The following DST variants were observed in gnomAD, a reference collection of about 807,000 sequenced individuals.
The protein encoded by DST is dystonin.
In DST, 253 loss-of-function variants were observed where a neutral mutation model predicts 875.2. That is an observed-to-expected ratio of 0.29 (90% CI 0.26 to 0.32). The LOEUF (loss-of-function observed/expected upper bound fraction) is 0.32, where lower values mean the gene tolerates loss of function less well. Ranked by LOEUF, DST falls within the 10% of genes least tolerant of loss-of-function variation. The probability of loss-of-function intolerance (pLI) is 1.00; values close to 1 mark genes in which losing one functional copy is unlikely to be tolerated. For synonymous variants in DST, 3,124 were observed against 3,197.1 expected, an observed-to-expected ratio of 0.98 and a Z score of 0.77; for missense variants, 8,287 against 9,111.6, an observed-to-expected ratio of 0.91 and a Z score of 3.68.
intron 4 of DST, among the ~76,000 whole-genome samples, chr6:56,820,722 T>C (rs1385521683): frequency 1.3e-5 from 2 of 152,178 alleles, no homozygotes; most frequent in Non-Finnish European, 2.9e-5. Context: ...TGCCAAATAC[T>C]TACCAGTACA....
chr6:56,464,875 T>C, intron 99 of DST, 119 bp from the exon 100 acceptor site: 2 of 714,920 alleles, frequency 2.8e-6, no homozygotes, highest in South Asian at 3.7e-5. Context: ...GCACACATTT[T>C]AGAAGAAAAG....
chr6:56,465,231 G>T (rs1463338431), intron 99 of DST, among the ~76,000 whole-genome samples: 1 of 152,120 alleles, frequency 6.6e-6, no homozygotes, highest in Non-Finnish European at 1.5e-5. Context: ...CCAAAACCAA[G>T]AGGCCCTACA....
chr6:56,515,713 G>C, intron 71 of DST, 45 bp from the exon 72 acceptor site: 1 of 1,476,798 alleles, frequency 6.8e-7, no homozygotes, highest in Non-Finnish European at 9.2e-7. Flanking sequence ...AGGCCAACGA[G>C]CACACACACT....
At position 56,936,948 on chromosome 6, in the gene DST, C is replaced by G. The variant is rs373839530; in HGVS notation, c.216+16837G>C. Among the ~76,000 whole-genome samples the G allele has an allele frequency of 3.3e-4, 50 of 150,804 alleles. No homozygotes were observed. The East Asian group carries it at 9.1e-3, about 28-fold the overall frequency. On this transcript the variant is annotated intron_variant, in intron 2 of 103. Transcript: ENST00000680361. ...AATTATCTTCCCACAGAGAAAACAC[C>G]AGCTCCAAATGGGTTCACTGGTGAA...
intron 27 of DST, 45 bp downstream of exon 27, chr6:56,634,087 G>A: frequency 6.2e-7 from 1 of 1,608,896 alleles, no homozygotes; most frequent in Non-Finnish European, 8.5e-7. Context: ...GAAAAGGCAT[G>A]CACATTTTTG....
intron 4 of DST, among the ~76,000 whole-genome samples, chr6:56,812,109 A>AAAAAGAAAAG (rs745473203): frequency 0.2 from 21,959 of 111,306 alleles, 2,529 homozygotes; most frequent in East Asian, 0.31. Context: ...CTCAAAAAAA[A>AAAAAGAAAAG]AAAAGAAAAG....
intron 61 of DST, among the ~76,000 whole-genome samples, chr6:56,545,321 T>A (rs1318707369): frequency 1.3e-5 from 2 of 151,852 alleles, no homozygotes; most frequent in African/African-American, 4.8e-5. Context: ...ATTTTCACAA[T>A]GAGAGAAATA....
intron 4 of DST, among the ~76,000 whole-genome samples, chr6:56,802,318 C>T (rs1208380610): frequency 6.6e-6 from 1 of 151,986 alleles, no homozygotes; most frequent in Admixed American, 6.6e-5. Flanking sequence ...ATTTAAGTAC[C>T]ACTTTTCTTA....
intron 62 of DST, among the ~76,000 whole-genome samples, chr6:56,535,849 C>A (rs1006857836): frequency 6.6e-6 from 1 of 152,156 alleles, no homozygotes; most frequent in Non-Finnish European, 1.5e-5. Flanking sequence ...CTGTGTCCTA[C>A]ATAGAGATAT....
At chr6:56,744,124 G>A (rs2152941660) in intron 4 of DST, among the ~76,000 whole-genome samples, 1 of 151,512 alleles carries the variant, frequency 6.6e-6, no homozygotes, top group East Asian at 1.9e-4. Flanking sequence ...ACTCCAGCCT[G>A]GGCGACAAGA....
At chr6:56,896,846 T>C (rs1791570886) in intron 3 of DST, among the ~76,000 whole-genome samples, 1 of 152,246 alleles carries the variant, frequency 6.6e-6, no homozygotes. Flanking sequence ...TTGAGTTCAT[T>C]GTAGATTCTG....
intron 4 of DST, among the ~76,000 whole-genome samples, chr6:56,784,559 T>C (rs967317711): frequency 1.3e-5 from 2 of 152,240 alleles, no homozygotes; most frequent in African/African-American, 4.8e-5. Context: ...TTCTCGAGCC[T>C]TGGCTTTCAG....
intron 34 of DST, among the ~76,000 whole-genome samples, 195 bp from the exon 35 acceptor site, chr6:56,625,459 TTCAG>T (rs2098724510): frequency 6.6e-6 from 1 of 152,136 alleles, no homozygotes; most frequent in Non-Finnish European, 1.5e-5. Flanking sequence ...CATGAAACAT[TTCAG>T]TCAAAGACAG....
chr6:56,457,996 T>G lies in DST; in HGVS notation c.*1009A>C, dbSNP rs1158102055. 1 of 152,554 alleles carries G rather than the reference T, an allele frequency of 6.6e-6. No individual in the cohort carries two copies. Among genetic ancestry groups the G allele is most frequent in the Non-Finnish European group, 1.5e-5 (1 of 68,014 alleles). 9.5% of individuals were successfully genotyped at this position (152,554 alleles called of 1,614,324 possible). ...TTTAAATAATCAGGTATTCCATATA[T>G]TCAAGTGAATATGTTTTATTAAATG... On this transcript the variant is annotated 3_prime_UTR_variant, in exon 104 of 104. Coordinates refer to ENST00000680361, the MANE Select transcript of DST (RefSeq NM_001374736.1).
chr6:56,511,127 T>C, intron 73 of DST, 70 bp downstream of exon 73: 1 of 1,309,820 alleles, frequency 7.6e-7, no homozygotes, highest in Non-Finnish European at 1.1e-6. Context: ...AATCAGGAAA[T>C]CCAGGAAAAT....
chr6:56,704,160 A>C (rs892832616), intron 6 of DST, 120 bp downstream of exon 6: 3 of 495,600 alleles, frequency 6.1e-6, no homozygotes. Flanking sequence ...TTTCAGGCAG[A>C]ATTCATAGCT....
At chr6:56,934,111 C>G (rs1811616063) in intron 2 of DST, among the ~76,000 whole-genome samples, 1 of 152,042 alleles carries the variant, frequency 6.6e-6, no homozygotes, top group African/African-American at 2.4e-5. Flanking sequence ...TAAAAATCTT[C>G]CCATCTCAGC....
chr6:56,562,115 A>G, intron 56 of DST, 23 bp downstream of exon 56: 1 of 1,447,526 alleles, frequency 6.9e-7, no homozygotes, highest in Non-Finnish European at 9.4e-7. Context: ...ATTAATCAGT[A>G]ACAAATTAAA....
At chr6:56,550,734 C>A (rs192980155) in intron 61 of DST, among the ~76,000 whole-genome samples, 8 of 152,210 alleles carry the variant, frequency 5.3e-5, no homozygotes, top group Non-Finnish European at 1.2e-4. Flanking sequence ...ACAATTTAAC[C>A]ATTTAATGTG....
Sources: gnomAD v4.1 joint callset for allele counts (sites outside exome capture counted in the v4.1 genomes callset) on GRCh38, gnomAD v4.1.1 for gene constraint, MANE v1.5 for transcripts, NCBI Gene and HGNC (gene_info 2026-07-23, HGNC 2026-07-21) for gene names.